The following ATP5MF variants were observed in gnomAD, a reference collection of about 807,000 sequenced individuals.
ATP5MF encodes ATP synthase F(0) complex subunit f, mitochondrial.
Under a neutral mutation model 13.8 loss-of-function variants are expected in ATP5MF, and 10 were observed. The observed-to-expected ratio is 0.72, with a 90% confidence interval of 0.45 to 1.23. The LOEUF (loss-of-function observed/expected upper bound fraction) is 1.23, where lower values mean the gene tolerates loss of function less well. ATP5MF is among the 50% of genes most tolerant of loss of function. The pLI is 0.00. For missense variants in ATP5MF, 122 were observed against 118.2 expected (o/e 1.03, Z -0.15); for synonymous variants, 40 against 45.8 (o/e 0.87, Z 0.51).
intron 3 of ATP5MF, 192 bp downstream of exon 3, chr7:99,458,955 A>G: frequency 1.8e-6 from 1 of 557,302 alleles, no homozygotes; most frequent in East Asian, 3.0e-5. Context: ...CTTTGTCACA[A>G]TTTTCTCATT....
Position 99,458,315 on chromosome 7 carries a change from A to T in ATP5MF, c.*12T>A, listed in dbSNP as rs767510899. ...AAGGTCGTGGGGTGGGGGGGTGCAG[A>T]GTGTGTCCTCTTCAGTGGTATTTGC... On this transcript the variant is annotated 3_prime_UTR_variant, in exon 4 of 4. Transcript: ENST00000292475. 25 of 1,609,438 alleles carry T rather than the reference A, an allele frequency of 1.6e-5. No individual in the cohort carries two copies. Among genetic ancestry groups the T allele is most frequent in the African/African-American group, 5.3e-5 (4 of 74,872 alleles).
chr7:99,465,892 G>A (rs890985993), intron 1 of ATP5MF, among the ~76,000 whole-genome samples: 3 of 152,236 alleles, frequency 2.0e-5, no homozygotes, highest in Admixed American at 6.5e-5. Flanking sequence ...GCGTGCCCCA[G>A]ATGCCTTCAC....
chr7:99,458,495 TCTGCAGAATCAG>T, intron 3 of ATP5MF, 140 bp from the exon 4 acceptor site: 1 of 848,640 alleles, frequency 1.2e-6, no homozygotes, highest in South Asian at 1.9e-5. Context: ...TGCCGGTGTC[TCTGCAGAATCAG>T]CAGACCCGGG....
chr7:99,460,239 G>A (rs754629343), intron 1 of ATP5MF, 46 bp from the exon 2 acceptor site: 1 of 1,604,918 alleles, frequency 6.2e-7, no homozygotes, highest in South Asian at 1.1e-5. Flanking sequence ...TAATCTCCCA[G>A]TAACACATAT....
rs369575724 is a variant in ATP5MF, at chr7:99,458,319, T to C, written c.*8A>G. ...TCGTGGGGTGGGGGGGTGCAGAGTG[T>C]GTCCTCTTCAGTGGTATTTGCGGAG... is the stretch of plus-strand genomic sequence containing the variant. On this transcript the variant is annotated 3_prime_UTR_variant, in exon 4 of 4. Transcript: ENST00000292475. The C allele has an allele frequency of 1.0e-4, 166 of 1,609,688 alleles. No homozygotes were observed. The highest frequency in any genetic ancestry group is 1.0e-4 in the Admixed American group (6 of 59,322).
At chr7:99,461,401 C>T (rs192131037) in intron 1 of ATP5MF, among the ~76,000 whole-genome samples, 29 of 152,078 alleles carry the variant, frequency 1.9e-4, no homozygotes, top group African/African-American at 6.7e-4. Context: ...AAGCTTTTAG[C>T]AGATGTCCTA....
intron 1 of ATP5MF, among the ~76,000 whole-genome samples, chr7:99,465,410 C>A (rs1287215249): frequency 6.6e-6 from 1 of 152,186 alleles, no homozygotes; most frequent in Non-Finnish European, 1.5e-5. Context: ...AATCGACTTT[C>A]CCAACAAGGA....
Position 99,466,154 on chromosome 7 carries a change from G to T in ATP5MF, c.-13C>A. 1.2e-6 allele frequency: 2 copies of T among 1,614,158 alleles called. No homozygotes were observed. Among genetic ancestry groups the T allele is most frequent in the Non-Finnish European group, 1.7e-6 (2 of 1,180,022 alleles). The stretch of plus-strand genomic sequence containing the variant: ...CAACTGACGCCATTTTGGAGTCCTG[G>T]TGTCCGCTGTGCCGGACCGCGCGAG... On this transcript the variant is annotated 5_prime_UTR_variant, in exon 1 of 4. Transcript: ENST00000292475.
intron 3 of ATP5MF, among the ~76,000 whole-genome samples, 159 bp from the exon 4 acceptor site, chr7:99,458,514 C>CG (rs891383178): frequency 4.6e-5 from 7 of 152,140 alleles, no homozygotes; most frequent in South Asian, 2.1e-4. Flanking sequence ...TCAGCAGACC[C>CG]GGGGGGCACA....
intron 2 of ATP5MF, 43 bp downstream of exon 2, chr7:99,460,043 C>T: frequency 6.4e-7 from 1 of 1,566,400 alleles, no homozygotes; most frequent in African/African-American, 1.4e-5. Flanking sequence ...ATCTGAAGAC[C>T]CAGAGATTTG....
In ATP5MF at chr7:99,458,309, GTGCAGAGT is replaced by G. The variant is rs1562870034; in HGVS notation, c.*10_*17del. On this transcript the variant is annotated 3_prime_UTR_variant, in exon 4 of 4. Transcript: ENST00000292475. ...CGGGCCAAGGTCGTGGGGTGGGGGG[GTGCAGAGT>G]GTGTCCTCTTCAGTGGTATTTGCGG... 8.1e-6 allele frequency: 13 copies of G among 1,609,000 alleles called. No homozygotes were observed. The highest frequency in any genetic ancestry group is 2.2e-5 in the East Asian group (1 of 44,718).
chr7:99,460,284 T>A (rs1584529535), intron 1 of ATP5MF, 91 bp from the exon 2 acceptor site: 1 of 1,370,080 alleles, frequency 7.3e-7, no homozygotes, highest in East Asian at 2.3e-5. Context: ...AACTATGCAA[T>A]AAAGGTGCAT....
chr7:99,463,692 C>G (rs1046507884), intron 1 of ATP5MF, among the ~76,000 whole-genome samples: 6 of 152,172 alleles, frequency 3.9e-5, no homozygotes, highest in Admixed American at 6.5e-5. Flanking sequence ...AGGAGAATCA[C>G]TTGAACCTGG....
chr7:99,464,856 T>C (rs1038551739), intron 1 of ATP5MF, among the ~76,000 whole-genome samples: 1 of 151,382 alleles, frequency 6.6e-6, no homozygotes, highest in South Asian at 2.1e-4. Flanking sequence ...TAATCCCAGA[T>C]ACTTGGGAGG....
chr7:99,464,067 C>T (rs899991826), intron 1 of ATP5MF, among the ~76,000 whole-genome samples: 1 of 152,210 alleles, frequency 6.6e-6, no homozygotes, highest in Admixed American at 6.5e-5. Flanking sequence ...TGACATGACC[C>T]TGCCTAAAGG....
intron 1 of ATP5MF, among the ~76,000 whole-genome samples, chr7:99,460,752 G>A (rs1798562896): frequency 6.6e-6 from 1 of 152,134 alleles, no homozygotes; most frequent in South Asian, 2.1e-4. Context: ...GAAGGAGAGC[G>A]GTGTGACGGT....
chr7:99,464,459 C>A (rs890225817), intron 1 of ATP5MF, among the ~76,000 whole-genome samples: 1 of 151,850 alleles, frequency 6.6e-6, no homozygotes, highest in African/African-American at 2.4e-5. Context: ...GTCAGGAGAT[C>A]GAGACCATCC....
chr7:99,461,324 C>T (rs2151028156), intron 1 of ATP5MF, among the ~76,000 whole-genome samples: 1 of 152,260 alleles, frequency 6.6e-6, no homozygotes, highest in East Asian at 1.9e-4. Context: ...ATCCTCCTGC[C>T]TCAACCTCCT....
rs969564082 is a variant in ATP5MF, at chr7:99,466,114, G to A, written c.28C>T (p.Pro10Ser). MASVGECPA[P>S]VPVKDKKLLE... ...CACGGAGTCCAAACAGCCTTACCTG[G>A]GGCCGGACACTCACCAACTGACGCC... is the stretch of plus-strand genomic sequence containing the variant. Residue 10 changes from proline (P) to serine (S), a missense_variant, in exon 1 of 4, where the codon CCA becomes TCA. By Grantham distance (74) the Pro-to-Ser change is moderately conservative (BLOSUM62 -1). Transcript: ENST00000292475. 3 of 1,614,178 alleles carry A rather than the reference G, an allele frequency of 1.9e-6. No homozygotes were observed. The highest frequency in any genetic ancestry group is 1.6e-4 in the Middle Eastern group (1 of 6,062).
Sources: allele counts gnomAD v4.1 joint callset (sites outside exome capture counted in the v4.1 genomes callset), GRCh38; gene constraint gnomAD v4.1.1; transcripts MANE v1.5; gene names NCBI Gene and HGNC (gene_info 2026-07-23, HGNC 2026-07-21).